CEP85: variants seen among roughly 807,000 people sequenced by gnomAD.
CEP85 encodes centrosomal protein 85.
CEP85 carries 58 observed loss-of-function variants against 93.7 expected under a neutral mutation model. That is an observed-to-expected ratio of 0.62 (90% CI 0.50 to 0.77). The LOEUF is 0.77. Among genes scored for constraint, CEP85 ranks in the 30% least tolerant of loss-of-function variants. The pLI is 0.00. For missense variants in CEP85, 868 were observed against 922.0 expected (o/e 0.94, Z 0.76); for synonymous variants, 314 against 338.6 (o/e 0.93, Z 0.80).
rs544363373 is a variant in CEP85, at chr1:26,269,999, A to G, written c.1649+385A>G. Reference sequence around the variant, plus strand: ...GAGACGGGGTTTCACCGTGGTCTCGATCTCCTGACCTCGTGATCCACCCTC... The same window carrying G: ...GAGACGGGGTTTCACCGTGGTCTCGGTCTCCTGACCTCGTGATCCACCCTC... On this transcript the variant is annotated intron_variant, in intron 9 of 13. Coordinates refer to ENST00000451429, the MANE Select transcript of CEP85 (RefSeq NM_001319944.2). Among the ~76,000 whole-genome samples the G allele has an allele frequency of 2.6e-5, 4 of 151,898 alleles. No individual in the cohort carries two copies. In the South Asian group the frequency reaches 6.2e-4, roughly 24 times the overall value.
intron 2 of CEP85, among the ~76,000 whole-genome samples, chr1:26,242,032 G>C (rs141505411): frequency 6.6e-6 from 1 of 151,918 alleles, no homozygotes; most frequent in Non-Finnish European, 1.5e-5. Flanking sequence ...AAAGTGCTAG[G>C]ATTACAGGCA....
intron 9 of CEP85, among the ~76,000 whole-genome samples, chr1:26,270,083 G>A (rs74653922): frequency 0.019 from 2,857 of 152,160 alleles, 73 homozygotes; most frequent in African/African-American, 0.063. Flanking sequence ...GCCAGGAAGC[G>A]GCTTTTATAT....
At chr1:26,239,720 A>G in intron 1 of CEP85, 42 bp from the exon 2 acceptor site, 1 of 1,188,016 alleles carries the variant, frequency 8.4e-7, no homozygotes, top group Non-Finnish European at 1.3e-6. Flanking sequence ...GGGGAATTAA[A>G]GATACTTCAG....
At chr1:26,244,130 G>A (rs1414984427) in intron 2 of CEP85, 36 bp from the exon 3 acceptor site, 1 of 1,602,658 alleles carries the variant, frequency 6.2e-7, no homozygotes, top group Non-Finnish European at 8.5e-7. Context: ...ACATCAGCTG[G>A]TTCACAGTAA....
At chr1:26,242,122 T>A (rs1557648157) in intron 2 of CEP85, among the ~76,000 whole-genome samples, 1 of 151,946 alleles carries the variant, frequency 6.6e-6, no homozygotes, top group Non-Finnish European at 1.5e-5. Flanking sequence ...TATACCAAAA[T>A]ATATTTTTAA....
chr1:26,247,485 C>G (rs1026991644), intron 3 of CEP85, among the ~76,000 whole-genome samples: 2 of 151,550 alleles, frequency 1.3e-5, no homozygotes, highest in Admixed American at 6.6e-5. Context: ...ATAGTCCCAG[C>G]TGCTCCCAAG....
chr1:26,274,569 TG>T (rs2090026002), intron 11 of CEP85, among the ~76,000 whole-genome samples: 1 of 152,306 alleles, frequency 6.6e-6, no homozygotes, highest in East Asian at 1.9e-4. Context: ...GGAGGTTTCC[TG>T]GAGGTAACAG....
In CEP85 at chr1:26,257,585, C is replaced by T. The variant is rs1226391683; in HGVS notation, c.904-12C>T. ...TCAAGATCAAGCTCATCTGGGCCTA[C>T]TTGCCTTTCAGCTTCAGAATGGAGC... On this transcript the variant is annotated splice_polypyrimidine_tract_variant and intron_variant, in intron 4 of 13. Coordinates refer to ENST00000451429, the MANE Select transcript of CEP85 (RefSeq NM_001319944.2). 1.2e-6 allele frequency: 2 copies of T among 1,613,824 alleles called. No individual in the cohort carries two copies. Among genetic ancestry groups the T allele is most frequent in the Non-Finnish European group, 1.7e-6 (2 of 1,179,964 alleles).
chr1:26,250,943 T>C lies in CEP85; in HGVS notation c.209-4228T>C, dbSNP rs1411106055. 7.3e-5 allele frequency among the ~76,000 whole-genome samples: 10 copies of C among 137,860 alleles called. 2 individuals are homozygous for C. The highest frequency in any genetic ancestry group is 1.1e-4 in the Non-Finnish European group (7 of 64,308). 90.4% of individuals were successfully genotyped at this position (137,860 alleles called of 152,430 possible). A position where few individuals can be genotyped will look rare whatever the true frequency, so the allele number is the denominator to read the frequency against. On this transcript the variant is annotated intron_variant, in intron 3 of 13. Coordinates refer to ENST00000451429, the MANE Select transcript of CEP85 (RefSeq NM_001319944.2). ...TTTTTTTCTTTTTTCTTTTTTTTTT[T>C]TTTTTTTTTTTTTTTGAGACAGAGT...
intron 3 of CEP85, among the ~76,000 whole-genome samples, chr1:26,252,425 G>C (rs2089633275): frequency 6.6e-6 from 1 of 151,986 alleles, no homozygotes; most frequent in Non-Finnish European, 1.5e-5. Context: ...CCAGCTACTT[G>C]GGAGGCTGAG....
intron 6 of CEP85, among the ~76,000 whole-genome samples, chr1:26,258,841 T>C (rs781359667): frequency 9.2e-5 from 14 of 152,178 alleles, no homozygotes; most frequent in Middle Eastern, 6.8e-3. Context: ...GTGATCCGCC[T>C]ACCTCGGCTT....
At chr1:26,275,838 A>G (rs1439786635) in intron 12 of CEP85, among the ~76,000 whole-genome samples, 1 of 152,188 alleles carries the variant, frequency 6.6e-6, no homozygotes, top group South Asian at 2.1e-4. Context: ...TTCAGACTCT[A>G]TAAAAATACA....
intron 4 of CEP85, among the ~76,000 whole-genome samples, chr1:26,256,908 T>G (rs1382210648): frequency 2.1e-5 from 3 of 139,546 alleles, no homozygotes; most frequent in Admixed American, 7.2e-5. Flanking sequence ...TATTTTCCTT[T>G]TTTTGTTTTG....
At chr1:26,267,036 C>T (rs567877104) in intron 7 of CEP85, among the ~76,000 whole-genome samples, 10 of 152,322 alleles carry the variant, frequency 6.6e-5, no homozygotes, top group Middle Eastern at 6.8e-3. Context: ...AATTCAGATG[C>T]ACACCATCTG....
chr1:26,242,744 C>T (rs888532671), intron 2 of CEP85, among the ~76,000 whole-genome samples: 9 of 152,090 alleles, frequency 5.9e-5, no homozygotes, highest in Non-Finnish European at 7.3e-5. Context: ...TTTCTGAAAT[C>T]GGCTTTCACA....
At chr1:26,275,118 AT>A (rs1407240479) in intron 12 of CEP85, 47 bp downstream of exon 12, 1 of 1,432,842 alleles carries the variant, frequency 7.0e-7, no homozygotes, top group Non-Finnish European at 9.6e-7. Flanking sequence ...CACAAACCCG[AT>A]TTCTTTGTTT....
intron 1 of CEP85, among the ~76,000 whole-genome samples, chr1:26,239,107 A>G (rs1012521578): frequency 2.6e-5 from 4 of 152,174 alleles, no homozygotes; most frequent in South Asian, 2.1e-4. Context: ...AAGAAGATTC[A>G]TGGTAAAGTT....
At chr1:26,234,411 AG>A (rs1255929148) in intron 1 of CEP85, 101 bp downstream of exon 1, 11 of 152,196 alleles carry the variant, frequency 7.2e-5, no homozygotes, top group African/African-American at 2.7e-4. Flanking sequence ...TGCCACCGTG[AG>A]GGGCCGGGGA....
chr1:26,252,730 T>C (rs1458413735), intron 3 of CEP85, among the ~76,000 whole-genome samples: 1 of 152,152 alleles, frequency 6.6e-6, no homozygotes, highest in Non-Finnish European at 1.5e-5. Flanking sequence ...TTTGTTTTGT[T>C]ACGTGTGTGT....
Sources: allele counts gnomAD v4.1 joint callset (sites outside exome capture counted in the v4.1 genomes callset), GRCh38; gene constraint gnomAD v4.1.1; transcripts MANE v1.5; gene names NCBI Gene and HGNC (gene_info 2026-07-23, HGNC 2026-07-21).